HLA-DQA1: variants seen among roughly 807,000 people sequenced by gnomAD.
HLA-DQA1 encodes major histocompatibility complex, class II, DQ alpha 1.
A neutral mutation model predicts 20.7 loss-of-function variants in HLA-DQA1; 10 were observed. The ratio of observed to expected loss-of-function variants is 0.48; its 90% CI spans 0.30 to 0.82. The LOEUF (loss-of-function observed/expected upper bound fraction) is 0.82, where lower values mean the gene tolerates loss of function less well. Among genes scored for constraint, HLA-DQA1 ranks in the 40% least tolerant of loss-of-function variants. The pLI is 0.07. For synonymous variants in HLA-DQA1, 39 were observed against 109.2 expected, an observed-to-expected ratio of 0.36 and a Z score of 4.01; for missense variants, 127 against 293.0, an observed-to-expected ratio of 0.43 and a Z score of 4.14.
At chr6:32,648,775 TG>T (rs1782080114), downstream of HLA-DQA1, among the ~76,000 whole-genome samples, 1 of 96,898 alleles carries the variant, frequency 1.0e-5, no homozygotes, top group Non-Finnish European at 2.3e-5. Flanking sequence ...TTGGAAGTTC[TG>T]GCCAGGGCAA....
At chr6:32,654,413 A>G in the HLA-DQA1 span, among the ~76,000 whole-genome samples, 38,993 of 94,090 alleles carry the variant, frequency 0.41, 9,837 homozygotes, top group Middle Eastern at 0.59. Context: ...CATCCATGAG[A>G]GATTGGTTCC....
chr6:32,647,743 G>A (rs17843578), downstream of HLA-DQA1, among the ~76,000 whole-genome samples: 86,058 of 151,396 alleles, frequency 0.57, 24,678 homozygotes, highest in Middle Eastern at 0.7. Flanking sequence ...CAGCAAAGGA[G>A]AGCAAATTAC....
In HLA-DQA1 at chr6:32,643,642, T is replaced by G; in HGVS notation, c.*711T>G. 1 of 149,892 alleles carries G rather than the reference T, an allele frequency of 6.7e-6. No individual in the cohort carries two copies. The allele number at this position is 149,892 out of a possible 1,614,324, so 9.3% of individuals were successfully genotyped here. ...GAGAAATAAGTTAGGATAAAGGAAA[T>G]TTGAATCTCAAAAATATCAAAAGTA... On this transcript the variant is annotated 3_prime_UTR_variant, in exon 5 of 5. Coordinates refer to ENST00000343139, the MANE Select transcript of HLA-DQA1 (RefSeq NM_002122.5).
At chr6:32,648,500 C>T (rs1782073677), downstream of HLA-DQA1, among the ~76,000 whole-genome samples, 1 of 97,246 alleles carries the variant, frequency 1.0e-5, no homozygotes. Flanking sequence ...TAAATGTAAT[C>T]CACCACATAA....
At chr6:32,638,718 G>GAA (rs768484302) in intron 1 of HLA-DQA1, among the ~76,000 whole-genome samples, 5,711 of 59,918 alleles carry the variant, frequency 0.095, 652 homozygotes, top group East Asian at 0.15. Flanking sequence ...AGGAAGGAAG[G>GAA]AGAAGGAAGG....
chr6:32,638,698 C>A (rs9272520), intron 1 of HLA-DQA1, among the ~76,000 whole-genome samples: 7,222 of 46,958 alleles, frequency 0.15, 1,076 homozygotes, highest in Admixed American at 0.25. Context: ...GGAAAGAAAG[C>A]GAGGAAGGAA....
At chr6:32,640,558 A>G (rs1336151405) in intron 1 of HLA-DQA1, among the ~76,000 whole-genome samples, 1 of 13,534 alleles carries the variant, frequency 7.4e-5, no homozygotes, top group East Asian at 1.7e-3. Flanking sequence ...CCTTCACAGG[A>G]AAAAAAAAAA....
chr6:32,649,778 C>A (rs1782105672), downstream of HLA-DQA1, among the ~76,000 whole-genome samples: 2 of 95,016 alleles, frequency 2.1e-5, no homozygotes, highest in African/African-American at 7.2e-5. Flanking sequence ...TAGGCATGGG[C>A]AAAGACTTCA....
intron 1 of HLA-DQA1, chr6:32,638,989 TA>T: frequency 2.9e-6 from 1 of 350,054 alleles, no homozygotes; most frequent in South Asian, 2.1e-5. Context: ...GTCAGATAGT[TA>T]AAAGGGGAAG....
chr6:32,648,831 G>A (rs1315272949), downstream of HLA-DQA1, among the ~76,000 whole-genome samples: 1 of 96,752 alleles, frequency 1.0e-5, no homozygotes, highest in Non-Finnish European at 2.3e-5. Context: ...AGGAAAAGAG[G>A]AAGTCAAATT....
At chr6:32,641,283 T>A in intron 1 of HLA-DQA1, 27 bp from the exon 2 acceptor site, 1 of 1,245,114 alleles carries the variant, frequency 8.0e-7, no homozygotes, top group Non-Finnish European at 1.1e-6. Flanking sequence ...GTTCTCCGCC[T>A]TCCTGCTTGT....
intron 1 of HLA-DQA1, chr6:32,638,944 G>T (rs75983419): frequency 0.081 from 28,017 of 345,468 alleles, 6,198 homozygotes; most frequent in South Asian, 0.094. Context: ...CCTTTATAGA[G>T]ATGGACAGTG....
downstream of HLA-DQA1, chr6:32,645,407 T>C (rs1285232022): frequency 1.4e-5 from 2 of 144,888 alleles, no homozygotes; most frequent in African/African-American, 2.5e-5. Context: ...TAGATTCTCA[T>C]AAGGAACATG....
the HLA-DQA1 span, among the ~76,000 whole-genome samples, chr6:32,654,461 A>G: frequency 0.37 from 33,431 of 90,510 alleles, 7,896 homozygotes; most frequent in Middle Eastern, 0.57. Context: ...AGAATGCTCA[A>G]GTCCCTTATT....
intron 1 of HLA-DQA1, chr6:32,639,618 A>G (rs1781210741): frequency 1.0e-5 from 1 of 97,716 alleles, no homozygotes; most frequent in African/African-American, 3.5e-5. Context: ...CAGATTAGTG[A>G]TGGAAACAGT....
chr6:32,641,878 T>C (rs9272735), intron 2 of HLA-DQA1, 94 bp from the exon 3 acceptor site: 2 of 747,166 alleles, frequency 2.7e-6, no homozygotes, highest in South Asian at 3.3e-5. Context: ...TATCAGGTGG[T>C]GAAATGCTGG....
chr6:32,654,397 T>C, the HLA-DQA1 span, among the ~76,000 whole-genome samples: 36,659 of 91,400 alleles, frequency 0.4, 9,126 homozygotes, highest in Middle Eastern at 0.6. Flanking sequence ...CACTGTCATT[T>C]CTCAGCATCC....
chr6:32,648,705 C>T (rs534868470), downstream of HLA-DQA1, among the ~76,000 whole-genome samples: 40 of 97,226 alleles, frequency 4.1e-4, 12 homozygotes, highest in Non-Finnish European at 4.1e-4. Context: ...GGAAGCATTG[C>T]CTTTGAAAAC....
chr6:32,653,813 TATAAA>T, the HLA-DQA1 span, among the ~76,000 whole-genome samples: 1 of 96,712 alleles, frequency 1.0e-5, no homozygotes, highest in Non-Finnish European at 2.3e-5. Flanking sequence ...TATTCAGTCT[TATAAA>T]AGAAGGAAAT....
Sources: allele counts gnomAD v4.1 joint callset (sites outside exome capture counted in the v4.1 genomes callset), GRCh38; gene constraint gnomAD v4.1.1; transcripts MANE v1.5; gene names NCBI Gene and HGNC (gene_info 2026-07-23, HGNC 2026-07-21).